Variants in DSCAM observed in about 807,000 individuals in gnomAD.
DSCAM encodes cell adhesion molecule DSCAM.
In DSCAM, 47 loss-of-function variants were observed where a neutral mutation model predicts 217.7. That is an observed-to-expected ratio of 0.22 (90% CI 0.17 to 0.28). The LOEUF is 0.28. Among genes scored for constraint, DSCAM ranks in the 10% least tolerant of loss-of-function variants. The probability of loss-of-function intolerance (pLI) is 1.00; values close to 1 mark genes in which losing one functional copy is unlikely to be tolerated. For missense variants in DSCAM, 2,080 were observed against 2,618.3 expected (o/e 0.79, Z 4.49); for synonymous variants, 1,056 against 1,015.3 (o/e 1.04, Z -0.76).
At chr21:40,640,649 C>T (rs902470195) in intron 3 of DSCAM, among the ~76,000 whole-genome samples, 10 of 152,044 alleles carry the variant, frequency 6.6e-5, no homozygotes, top group Non-Finnish European at 5.9e-5. Flanking sequence ...GCTCTGGGAG[C>T]GCAGGTAAAC....
chr21:40,818,548 A>AC (rs1789642617), intron 1 of DSCAM, among the ~76,000 whole-genome samples: 2 of 32,590 alleles, frequency 6.1e-5, no homozygotes, highest in Non-Finnish European at 1.1e-4. Flanking sequence ...TCCGTCTCAC[A>AC]AAAAAAAAAA....
chr21:40,450,192 A>T (rs2075707271), intron 3 of DSCAM, among the ~76,000 whole-genome samples: 1 of 152,206 alleles, frequency 6.6e-6, no homozygotes, highest in Non-Finnish European at 1.5e-5. Context: ...CACCTTTATA[A>T]ACCAAACCAA....
At chr21:40,317,875 TTTCAGAGGTGATGATGAACATATGTTTA>T (rs1461539184) in intron 8 of DSCAM, among the ~76,000 whole-genome samples, 1 of 152,126 alleles carries the variant, frequency 6.6e-6, no homozygotes, top group African/African-American at 2.4e-5. Flanking sequence ...AGAAAAAAAC[TTTCAGAGGTGATGATGAACATATGTTTA>T]CACTCTGCAC....
chr21:40,649,435 C>A (rs1415156169), intron 3 of DSCAM, among the ~76,000 whole-genome samples: 1 of 152,176 alleles, frequency 6.6e-6, no homozygotes. Flanking sequence ...AATGCGTGGT[C>A]TCAAGTAAAC....
At chr21:40,137,370 T>C (rs1647534628) in intron 18 of DSCAM, among the ~76,000 whole-genome samples, 2 of 152,018 alleles carry the variant, frequency 1.3e-5, no homozygotes, top group Non-Finnish European at 2.9e-5. Context: ...GAGCCACAGT[T>C]GGCTCTATCT....
intron 3 of DSCAM, among the ~76,000 whole-genome samples, chr21:40,507,768 G>A (rs1161035013): frequency 6.6e-6 from 1 of 152,134 alleles, no homozygotes; most frequent in Non-Finnish European, 1.5e-5. Context: ...GGGTGACAGA[G>A]CACAGCAAGA....
intron 3 of DSCAM, among the ~76,000 whole-genome samples, chr21:40,502,912 A>ATT (rs11455978): frequency 2.0e-5 from 3 of 151,914 alleles, no homozygotes; most frequent in Admixed American, 6.6e-5. Flanking sequence ...ATTATGTATA[A>ATT]TTTTTTTTAT....
intron 1 of DSCAM, among the ~76,000 whole-genome samples, chr21:40,758,803 C>A (rs1013303623): frequency 1.3e-5 from 2 of 152,114 alleles, no homozygotes; most frequent in East Asian, 3.9e-4. Flanking sequence ...GTCTTCCTCC[C>A]AGTCATGACA....
intron 8 of DSCAM, among the ~76,000 whole-genome samples, chr21:40,326,932 A>G (rs2074323998): frequency 1.3e-5 from 2 of 149,478 alleles, no homozygotes; most frequent in African/African-American, 4.9e-5. Context: ...CTATATGTAT[A>G]TTTATATTTG....
At chr21:40,113,712 A>C (rs1249923053) in intron 20 of DSCAM, among the ~76,000 whole-genome samples, 1 of 152,224 alleles carries the variant, frequency 6.6e-6, no homozygotes. Flanking sequence ...ATTTCAGCAA[A>C]GTCTCAGGAT....
Position 40,689,160 on chromosome 21 carries a change from A to G in DSCAM, c.508+3650T>C, listed in dbSNP as rs567614305. Among the ~76,000 whole-genome samples the G allele has an allele frequency of 3.3e-5, 5 of 152,374 alleles. No individual in the cohort carries two copies. In the South Asian group the frequency reaches 1.0e-3, roughly 32 times the overall value. ...GGGCAAAACCTAGTGAGACATACTA[A>G]TAGAAACCATTTTGCTTCTTTTTAG... On this transcript the variant is annotated intron_variant, in intron 3 of 32. Transcript: ENST00000400454.
chr21:40,430,431 T>C (rs2075519688), intron 3 of DSCAM, among the ~76,000 whole-genome samples: 2 of 152,148 alleles, frequency 1.3e-5, no homozygotes, highest in South Asian at 2.1e-4. Flanking sequence ...CAGAAAAACA[T>C]GAAAACAAGG....
chr21:40,472,590 CA>C (rs796898710), intron 3 of DSCAM, among the ~76,000 whole-genome samples: 1 of 152,034 alleles, frequency 6.6e-6, no homozygotes, highest in African/African-American at 2.4e-5. Context: ...TTGTAATGAC[CA>C]AAATCATTAG....
intron 3 of DSCAM, among the ~76,000 whole-genome samples, chr21:40,686,714 T>G (rs1443169561): frequency 6.6e-6 from 1 of 152,120 alleles, no homozygotes; most frequent in Non-Finnish European, 1.5e-5. Context: ...TAGCTGCTAT[T>G]GTGGCTGCTT....
intron 3 of DSCAM, among the ~76,000 whole-genome samples, chr21:40,619,917 C>G (rs2089457853): frequency 8.0e-6 from 1 of 125,498 alleles, no homozygotes; most frequent in Non-Finnish European, 1.6e-5. Context: ...ACTATGAAAT[C>G]TAGTAGAATG....
At chr21:40,823,293 T>C (rs1014272119) in intron 1 of DSCAM, among the ~76,000 whole-genome samples, 2 of 149,398 alleles carry the variant, frequency 1.3e-5, no homozygotes, top group African/African-American at 2.5e-5. Context: ...AGATAAACCA[T>C]AAAAAAAAAC....
chr21:40,565,453 T>G lies in DSCAM; in HGVS notation c.508+127357A>C, dbSNP rs573196618. On this transcript the variant is annotated intron_variant, in intron 3 of 32. Coordinates refer to ENST00000400454, the MANE Select transcript of DSCAM (RefSeq NM_001389.5). ...ACCAAAGAATGCCAAGATATTAATATGTTCACAGAGAAGCCTCATGCCACT... is the reference window on the plus strand; with the variant it reads ...ACCAAAGAATGCCAAGATATTAATAGGTTCACAGAGAAGCCTCATGCCACT... Among the ~76,000 whole-genome samples, 19 of 152,328 alleles carry G rather than the reference T, an allele frequency of 1.2e-4. No homozygotes were observed. In the South Asian group the frequency reaches 3.9e-3, roughly 32 times the overall value.
chr21:40,308,036 A>C (rs1374990244), intron 9 of DSCAM, among the ~76,000 whole-genome samples: 1 of 152,068 alleles, frequency 6.6e-6, no homozygotes, highest in Admixed American at 6.6e-5. Flanking sequence ...ATACATATGT[A>C]ACTAACCTGC....
chr21:40,068,171 G>T (rs189636485), intron 27 of DSCAM, among the ~76,000 whole-genome samples: 1 of 152,230 alleles, frequency 6.6e-6, no homozygotes, highest in Non-Finnish European at 1.5e-5. Flanking sequence ...GACAACATTT[G>T]CTAACACTCT....
Sources: allele counts gnomAD v4.1 joint callset (sites outside exome capture counted in the v4.1 genomes callset), GRCh38; gene constraint gnomAD v4.1.1; transcripts MANE v1.5; gene names NCBI Gene and HGNC (gene_info 2026-07-23, HGNC 2026-07-21).